EPS15L1: variants seen among roughly 807,000 people sequenced by gnomAD.
EPS15L1 encodes the protein epidermal growth factor receptor pathway substrate 15 like 1, also known as epidermal growth factor receptor substrate 15-like 1.
Under a neutral mutation model 117.1 loss-of-function variants are expected in EPS15L1, and 43 were observed. The observed-to-expected ratio is 0.37, with a 90% CI of 0.29 to 0.47. The LOEUF (loss-of-function observed/expected upper bound fraction) is 0.47, where lower values mean the gene tolerates loss of function less well. EPS15L1 is among the 20% of genes least tolerant of loss of function. The probability of loss-of-function intolerance (pLI) is 0.99; values close to 1 mark genes in which losing one functional copy is unlikely to be tolerated. For synonymous variants in EPS15L1, 459 were observed against 470.5 expected, an observed-to-expected ratio of 0.98 and a Z score of 0.32; for missense variants, 981 against 1,164.0, an observed-to-expected ratio of 0.84 and a Z score of 2.29.
chr19:16,385,077 A>G, intron 21 of EPS15L1, 52 bp downstream of exon 21: 1 of 1,399,010 alleles, frequency 7.1e-7, no homozygotes, highest in Non-Finnish European at 1.0e-6. Flanking sequence ...CACCATGACA[A>G]GAGGCACAAA....
chr19:16,430,745 A>C (rs1466870301), intron 7 of EPS15L1, among the ~76,000 whole-genome samples: 1 of 152,264 alleles, frequency 6.6e-6, no homozygotes, highest in South Asian at 2.1e-4. Flanking sequence ...GGATGCACAG[A>C]TGGATGACAG....
intron 21 of EPS15L1, among the ~76,000 whole-genome samples, chr19:16,380,937 T>C (rs2092355222): frequency 6.6e-6 from 1 of 152,340 alleles, no homozygotes; most frequent in Middle Eastern, 3.4e-3. Flanking sequence ...TGTGTAGTCC[T>C]AGAGTCGAGG....
chr19:16,439,924 ATT>A (rs201668616), intron 4 of EPS15L1, among the ~76,000 whole-genome samples: 3,750 of 133,090 alleles, frequency 0.028, 121 homozygotes, highest in Admixed American at 0.093. Flanking sequence ...CAGATTTCAG[ATT>A]TTTTTTTTTT....
At chr19:16,359,023 T>G (rs1045786131) in intron 23 of EPS15L1, among the ~76,000 whole-genome samples, 8 of 152,004 alleles carry the variant, frequency 5.3e-5, no homozygotes, top group African/African-American at 1.7e-4. Context: ...TGATGGAAAT[T>G]TGGGGTTTGT....
chr19:16,422,068 C>T (rs1014917578), intron 9 of EPS15L1, among the ~76,000 whole-genome samples: 8 of 152,198 alleles, frequency 5.3e-5, no homozygotes, highest in Admixed American at 3.9e-4. Flanking sequence ...AGGGCCACCA[C>T]CCACGAGGCC....
rs976022562 is a variant in EPS15L1 at position 16,421,858 on chromosome 19, C to T, written c.793-382G>A. On this transcript the variant is annotated intron_variant, in intron 9 of 23. Coordinates refer to ENST00000455140, the MANE Select transcript of EPS15L1 (RefSeq NM_001258374.3). ...AAGGACCGTCCCTGGAGAACCGGCC[C>T]GGCCACATGCCAGCCTCCCTGGTCC... is the stretch of plus-strand genomic sequence containing the variant. 9.8e-5 allele frequency among the ~76,000 whole-genome samples: 15 copies of T among 152,302 alleles called. 1 individual carries two copies. The highest frequency in any genetic ancestry group is 2.6e-4 in the Admixed American group (4 of 15,300).
At chr19:16,376,023 G>C (rs1020033804) in intron 22 of EPS15L1, among the ~76,000 whole-genome samples, 3 of 152,238 alleles carry the variant, frequency 2.0e-5, no homozygotes, top group African/African-American at 4.8e-5. Context: ...GCTGCAAAGT[G>C]AGGCCAGTGG....
rs1319352352 is a variant in EPS15L1 at position 16,405,581 on chromosome 19, G to C, written c.1267-832C>G. Reference sequence around the variant, plus strand: ...ATCCGTAAACAATGCAGATGTCCATGAGGTGCTGGCTGGAAGGTTCCAGCA... The same window carrying C: ...ATCCGTAAACAATGCAGATGTCCATCAGGTGCTGGCTGGAAGGTTCCAGCA... On this transcript the variant is annotated intron_variant, in intron 13 of 23. Coordinates refer to ENST00000455140, the MANE Select transcript of EPS15L1 (RefSeq NM_001258374.3). This position sits in a 1 kb window ranked among gnomAD's most constrained non-coding sequence, Gnocchi z 4.0. 1.3e-5 allele frequency among the ~76,000 whole-genome samples: 2 copies of C among 152,216 alleles called. No homozygotes were observed. The highest frequency in any genetic ancestry group is 2.9e-5 in the Non-Finnish European group (2 of 68,030).
intron 1 of EPS15L1, among the ~76,000 whole-genome samples, chr19:16,462,651 A>G (rs1346536198): frequency 1.3e-5 from 2 of 152,052 alleles, no homozygotes; most frequent in Non-Finnish European, 2.9e-5. Context: ...CTGGGTGACA[A>G]AGCGGGACTC....
rs553075122 is a variant in EPS15L1 at position 16,356,307 on chromosome 19, TTTTC to T, written c.2587-460_2587-457del. On this transcript the variant is annotated intron_variant, in intron 23 of 23. Transcript: ENST00000455140. ...TGAGACCCTCTGAGGGTCATTTTCT[TTTTC>T]TTTTTCTTTTTTTTTTTTTGAGATG... 421 of 162,534 alleles carry T rather than the reference TTTTC, an allele frequency of 2.6e-3. 7 individuals are homozygous for T. The highest frequency in any genetic ancestry group is 1.5e-3 in the Non-Finnish European group (113 of 74,954). The allele number at this position is 162,534 out of a possible 1,614,324, so 10.1% of individuals were successfully genotyped here. A position where few individuals can be genotyped will look rare whatever the true frequency, so the allele number is the denominator to read the frequency against.
intron 13 of EPS15L1, among the ~76,000 whole-genome samples, chr19:16,410,747 CA>C (rs370747100): frequency 0.025 from 3,697 of 150,576 alleles, 121 homozygotes; most frequent in Admixed American, 0.088. Flanking sequence ...CTTGTCGCTG[CA>C]AAAAAAAATT....
At chr19:16,451,512 T>TTTTA in intron 1 of EPS15L1, among the ~76,000 whole-genome samples, 1 of 151,736 alleles carries the variant, frequency 6.6e-6, no homozygotes, top group East Asian at 2.0e-4. Context: ...ATACAATTTC[T>TTTTA]TTTATTTATT....
At chr19:16,424,690 C>T (rs957356805) in intron 9 of EPS15L1, among the ~76,000 whole-genome samples, 2 of 151,642 alleles carry the variant, frequency 1.3e-5, no homozygotes, top group Non-Finnish European at 2.9e-5. Flanking sequence ...GATAGAGTTT[C>T]GCTCTTGTTG....
intron 23 of EPS15L1, chr19:16,356,216 C>G (rs747897872): frequency 7.0e-6 from 2 of 286,248 alleles, no homozygotes; most frequent in African/African-American, 2.1e-5. Flanking sequence ...TAAAGCCCCA[C>G]GGCGCAGACA....
At chr19:16,430,681 G>A (rs2092919201) in intron 7 of EPS15L1, among the ~76,000 whole-genome samples, 1 of 152,190 alleles carries the variant, frequency 6.6e-6, no homozygotes. Context: ...TCCACTGCAG[G>A]CTCTGAAAAA....
At chr19:16,439,701 A>G (rs1035363381) in intron 4 of EPS15L1, among the ~76,000 whole-genome samples, 1 of 151,730 alleles carries the variant, frequency 6.6e-6, no homozygotes, top group Non-Finnish European at 1.5e-5. Context: ...TAAAAAATAA[A>G]AAAACAAAAC....
chr19:16,374,381 A>G (rs1310700393), intron 22 of EPS15L1, among the ~76,000 whole-genome samples: 1 of 152,228 alleles, frequency 6.6e-6, no homozygotes, highest in Non-Finnish European at 1.5e-5. Context: ...CTGTGCCACG[A>G]GTAAAGGAGC....
rs752708341 is a variant in EPS15L1 at position 16,392,371 on chromosome 19, T to G, written c.2036A>C (p.Lys679Thr). The G allele has an allele frequency of 1.2e-6, 2 of 1,614,098 alleles. No individual in the cohort carries two copies. The highest frequency in any genetic ancestry group is 2.2e-5 in the South Asian group (2 of 91,094). ...FRGSATDDFF[K>T]KQTKNDPFTS... Reference sequence around the variant, plus strand: ...AAATGGGTCATTCTTTGTCTGTTTCTTGAAGAAGTCGTCAGTGGCAGAGCC... The same window carrying G: ...AAATGGGTCATTCTTTGTCTGTTTCGTGAAGAAGTCGTCAGTGGCAGAGCC... Residue 679 changes from lysine (K) to threonine (T), a missense_variant, in exon 19 of 24, where the codon AAG becomes ACG. Coordinates refer to ENST00000455140, the MANE Select transcript of EPS15L1 (RefSeq NM_001258374.3).
chr19:16,380,534 T>C (rs150056826), intron 21 of EPS15L1, among the ~76,000 whole-genome samples: 382 of 150,714 alleles, frequency 2.5e-3, no homozygotes, highest in Non-Finnish European at 4.2e-3. Flanking sequence ...TCTAAGGCTC[T>C]AGCGTCCAGT....
Sources: gnomAD v4.1 joint callset for allele counts (sites outside exome capture counted in the v4.1 genomes callset) on GRCh38, gnomAD v4.1.1 for gene constraint, Gnocchi (gnomAD v3.1) non-coding constraint, MANE v1.5 for transcripts, NCBI Gene and HGNC (gene_info 2026-07-23, HGNC 2026-07-21) for gene names.